The following DLG1 variants were observed in gnomAD, a reference collection of about 807,000 sequenced individuals.
The protein encoded by DLG1 is disks large homolog 1.
DLG1 carries 42 observed loss-of-function variants against 123.4 expected under a neutral mutation model. The ratio of observed to expected loss-of-function variants is 0.34; its 90% CI spans 0.27 to 0.44. DLG1 has a LOEUF of 0.44. DLG1 is among the 20% of genes least tolerant of loss of function. DLG1 has a pLI of 1.00. For missense variants in DLG1, 942 were observed against 1,082.6 expected (o/e 0.87, Z 1.82); for synonymous variants, 317 against 356.2 (o/e 0.89, Z 1.24).
intron 4 of DLG1, among the ~76,000 whole-genome samples, chr3:197,225,024 T>C (rs770067561): frequency 2.6e-5 from 4 of 152,240 alleles, no homozygotes; most frequent in Admixed American, 6.5e-5. Flanking sequence ...TGGCGCGATC[T>C]TGGCTCACTG....
At chr3:197,192,025 A>T (rs1458634555) in intron 5 of DLG1, among the ~76,000 whole-genome samples, 1 of 152,006 alleles carries the variant, frequency 6.6e-6, no homozygotes, top group Non-Finnish European at 1.5e-5. Context: ...AACAAAAAAA[A>T]TAGCCAAGCA....
At chr3:197,122,002 G>A (rs1411129805) in intron 11 of DLG1, among the ~76,000 whole-genome samples, 1 of 151,910 alleles carries the variant, frequency 6.6e-6, no homozygotes, top group African/African-American at 2.4e-5. Context: ...AAAACATCTA[G>A]AGATGAAATA....
chr3:197,119,174 C>T (rs1774946701), intron 12 of DLG1, among the ~76,000 whole-genome samples: 3 of 151,922 alleles, frequency 2.0e-5, no homozygotes, highest in Admixed American at 2.0e-4. Flanking sequence ...ATTTACCAAG[C>T]CTCAAAGAAA....
At chr3:197,276,462 A>G (rs75595847) in intron 4 of DLG1, among the ~76,000 whole-genome samples, 6,412 of 152,300 alleles carry the variant, frequency 0.042, 186 homozygotes, top group Non-Finnish European at 0.056. Context: ...CAAATTTGTT[A>G]AAAATATCCT....
intron 12 of DLG1, among the ~76,000 whole-genome samples, chr3:197,117,097 C>A (rs567505434): frequency 3.4e-4 from 52 of 152,196 alleles, no homozygotes; most frequent in African/African-American, 1.3e-3. Context: ...TGCTCAACAT[C>A]ATCAGTCACT....
At position 197,174,311 on chromosome 3, in the gene DLG1, A is replaced by G. The variant is rs562390380; in HGVS notation, c.483+20114T>C. ...TCTTAGTCTACAATAAAAATAAGCC[A>G]ATTCTCTCTCCCCAAAAACCATGGA... On this transcript the variant is annotated intron_variant, in intron 5 of 24. Transcript: ENST00000667157. 1.3e-4 allele frequency among the ~76,000 whole-genome samples: 20 copies of G among 152,312 alleles called. No homozygotes were observed. The South Asian group carries it at 4.1e-3, about 32-fold the overall frequency.
chr3:197,261,262 C>T (rs1215366876), intron 4 of DLG1, among the ~76,000 whole-genome samples: 3 of 152,256 alleles, frequency 2.0e-5, no homozygotes, highest in African/African-American at 7.2e-5. Context: ...AGCTTCCAGC[C>T]ACACTCCCCT....
At chr3:197,277,079 A>C (rs1047445934) in intron 4 of DLG1, among the ~76,000 whole-genome samples, 4 of 151,854 alleles carry the variant, frequency 2.6e-5, no homozygotes, top group African/African-American at 9.7e-5. Flanking sequence ...TTTTGTAGAG[A>C]TGGAGTTTCA....
At chr3:197,079,062 T>C (rs1013800821) in intron 17 of DLG1, among the ~76,000 whole-genome samples, 3 of 149,684 alleles carry the variant, frequency 2.0e-5, no homozygotes, top group Non-Finnish European at 3.0e-5. Context: ...GTGAAAAAAA[T>C]AGCACAAGCA....
At chr3:197,070,564 C>CTTTTTTTTTTTTTTTTTTTTTTTTTT (rs1491200833) in intron 18 of DLG1, 1 of 44,926 alleles carries the variant, frequency 2.2e-5, no homozygotes, top group Non-Finnish European at 5.2e-5. Context: ...CTGGAAATTT[C>CTTTTTTTTTTTTTTTTTTTTTTTTTT]ATTTTTTTTT....
rs148579548 is a variant in DLG1 at position 197,275,043 on chromosome 3, G to A, written c.318+7636C>T. Among the ~76,000 whole-genome samples the A allele has an allele frequency of 1.4e-3, 215 of 152,082 alleles. 5 individuals carry two copies. In the East Asian group the frequency reaches 0.034, roughly 24 times the overall value. Reference sequence around the variant, plus strand: ...ACTAAAAATATTTAAAAAATTAGCCGGGCATGGCAGAGCACACTTGTAGTC... The same window carrying A: ...ACTAAAAATATTTAAAAAATTAGCCAGGCATGGCAGAGCACACTTGTAGTC... On this transcript the variant is annotated intron_variant, in intron 4 of 24. Transcript: ENST00000667157.
At chr3:197,111,901 C>A (rs1770253056) in intron 13 of DLG1, among the ~76,000 whole-genome samples, 1 of 152,178 alleles carries the variant, frequency 6.6e-6, no homozygotes, top group African/African-American at 2.4e-5. Context: ...AATTGTCCTG[C>A]TGATGGAAAC....
At chr3:197,263,412 A>G (rs116331728) in intron 4 of DLG1, among the ~76,000 whole-genome samples, 1 of 152,154 alleles carries the variant, frequency 6.6e-6, no homozygotes, top group Non-Finnish European at 1.5e-5. Flanking sequence ...ATGACTCCTA[A>G]GAGTCCTTGA....
At chr3:197,091,053 T>G (rs1295462422) in intron 14 of DLG1, 27 bp from the exon 15 acceptor site, 2 of 1,444,518 alleles carry the variant, frequency 1.4e-6, no homozygotes, top group African/African-American at 2.8e-5. Context: ...AGAAATAAAT[T>G]GATATATTTT....
intron 18 of DLG1, among the ~76,000 whole-genome samples, chr3:197,072,555 C>T (rs369184912): frequency 6.6e-6 from 1 of 151,800 alleles, no homozygotes; most frequent in African/African-American, 2.4e-5. Context: ...GCACTCTTGC[C>T]CAGTTTTCTA....
chr3:197,119,656 T>C (rs1425126536), intron 11 of DLG1, 126 bp from the exon 12 acceptor site: 6 of 983,234 alleles, frequency 6.1e-6, no homozygotes, highest in Non-Finnish European at 6.8e-6. Context: ...AGAGAAGATT[T>C]ACTCATCAGC....
chr3:197,275,469 C>G (rs1335495404), intron 4 of DLG1, among the ~76,000 whole-genome samples: 1 of 152,148 alleles, frequency 6.6e-6, no homozygotes, highest in East Asian at 1.9e-4. Context: ...CACTATTCAC[C>G]ACTGCCACGA....
intron 5 of DLG1, among the ~76,000 whole-genome samples, chr3:197,179,546 A>G (rs536193483): frequency 6.6e-6 from 1 of 152,334 alleles, no homozygotes; most frequent in South Asian, 2.1e-4. Flanking sequence ...CCTAGGTGCA[A>G]TAATTCCTAA....
chr3:197,148,411 GAA>G (rs780479244), intron 6 of DLG1, among the ~76,000 whole-genome samples: 10 of 42,900 alleles, frequency 2.3e-4, no homozygotes, highest in East Asian at 1.4e-3. Context: ...ACTGTCTCAA[GAA>G]AAAAAAAAAA....
Sources: gnomAD v4.1 joint callset for allele counts (sites outside exome capture counted in the v4.1 genomes callset) on GRCh38, gnomAD v4.1.1 for gene constraint, MANE v1.5 for transcripts, NCBI Gene and HGNC (gene_info 2026-07-23, HGNC 2026-07-21) for gene names.